FMN1: variants seen among roughly 807,000 people sequenced by gnomAD.
FMN1 encodes formin-1.
A neutral mutation model predicts 132.4 loss-of-function variants in FMN1; 110 were observed. The ratio of observed to expected loss-of-function variants is 0.83; its 90% CI spans 0.71 to 0.97. The LOEUF is 0.97. Among genes scored for constraint, FMN1 ranks in the 50% least tolerant of loss-of-function variants. The pLI, the probability that FMN1 is intolerant of heterozygous loss-of-function variation, is 0.00. For synonymous variants in FMN1, 722 were observed against 651.7 expected (o/e 1.11, Z -1.64); for missense variants, 1,792 against 1,705.3 (o/e 1.05, Z -0.90).
At chr15:32,801,606 AAC>A (rs2057482265) in intron 18 of FMN1, among the ~76,000 whole-genome samples, 5 of 151,342 alleles carry the variant, frequency 3.3e-5, no homozygotes, top group Non-Finnish European at 7.4e-5. Flanking sequence ...CTCTACTAAA[AAC>A]AAAAACAAAA....
At chr15:32,810,907 T>A in intron 17 of FMN1, 1 of 454,042 alleles carries the variant, frequency 2.2e-6, no homozygotes, top group Non-Finnish European at 4.4e-6. Context: ...AAGAAGTTGT[T>A]TTTATTACAG....
At chr15:33,028,615 C>T (rs2035792832) in intron 6 of FMN1, among the ~76,000 whole-genome samples, 1 of 152,134 alleles carries the variant, frequency 6.6e-6, no homozygotes, top group Non-Finnish European at 1.5e-5. Context: ...TCAAGATAAT[C>T]TGTGAGATCA....
intron 2 of FMN1, among the ~76,000 whole-genome samples, chr15:33,188,037 T>G (rs2140356324): frequency 6.6e-6 from 1 of 152,226 alleles, no homozygotes; most frequent in South Asian, 2.1e-4. Context: ...AGCCCTCTTT[T>G]TAAAAAGTCA....
intron 2 of FMN1, among the ~76,000 whole-genome samples, chr15:33,188,778 GAGA>G (rs1566972849): frequency 6.6e-6 from 1 of 152,036 alleles, no homozygotes; most frequent in Non-Finnish European, 1.5e-5. Flanking sequence ...ACTTCCTAAA[GAGA>G]AGTTGAGTGA....
At chr15:33,058,036 C>CGGGCTGGTGGTGGAAAGGTGTGGTG (rs539252192) in intron 6 of FMN1, among the ~76,000 whole-genome samples, 2,917 of 146,698 alleles carry the variant, frequency 0.02, 54 homozygotes, top group Non-Finnish European at 0.03. Context: ...AAAGGCGTGG[C>CGGGCTGGTGGTGGAAAGGTGTGGTG]GGGCTGGTGG....
chr15:32,900,121 A>G lies in FMN1; in HGVS notation c.3512T>C (p.Leu1171Ser). 1.2e-6 allele frequency: 2 copies of G among 1,613,746 alleles called. No individual in the cohort carries two copies. Residue 1171 changes from leucine to serine, a missense_variant, in exon 14 of 21, where the codon TTG (leucine) becomes TCG (serine). Transcript: ENST00000616417. Reference sequence around the variant, plus strand: ...ATCCTTCACGCTCTTCACGTGCAGCAAGTCCTGTGATGGCAAACACCAGTT... The same window carrying G: ...ATCCTTCACGCTCTTCACGTGCAGCGAGTCCTGTGATGGCAAACACCAGTT... Reference protein sequence around the residue: ...VEIITRASKDLLHVKSVKDIL... With the variant: ...VEIITRASKDSLHVKSVKDIL...
intron 6 of FMN1, among the ~76,000 whole-genome samples, chr15:33,057,249 T>C (rs761095768): frequency 1.3e-5 from 2 of 152,150 alleles, no homozygotes; most frequent in Non-Finnish European, 2.9e-5. Flanking sequence ...AAAGGGAAAT[T>C]GTAGCAATTG....
intron 19 of FMN1, among the ~76,000 whole-genome samples, chr15:32,785,951 A>G (rs1224467033): frequency 6.6e-6 from 1 of 152,226 alleles, no homozygotes; most frequent in African/African-American, 2.4e-5. Flanking sequence ...ATCTCTTTAA[A>G]AAAAGATTTT....
At chr15:32,838,293 G>T (rs2058671655) in intron 17 of FMN1, among the ~76,000 whole-genome samples, 1 of 152,144 alleles carries the variant, frequency 6.6e-6, no homozygotes. Flanking sequence ...AAAAAAATCG[G>T]AGAGGTGAGG....
chr15:33,036,728 T>C (rs1251460783), intron 6 of FMN1, among the ~76,000 whole-genome samples: 4 of 152,204 alleles, frequency 2.6e-5, no homozygotes, highest in Non-Finnish European at 4.4e-5. Flanking sequence ...AAAATTTAAT[T>C]ATTTAATCCA....
intron 6 of FMN1, among the ~76,000 whole-genome samples, chr15:33,028,648 C>T (rs2035793725): frequency 1.3e-5 from 2 of 152,148 alleles, no homozygotes. Flanking sequence ...ACCATCTGGG[C>T]AGCATGTGAA....
chr15:32,972,796 A>T, intron 7 of FMN1, among the ~76,000 whole-genome samples: 1 of 152,292 alleles, frequency 6.6e-6, no homozygotes, highest in East Asian at 1.9e-4. Context: ...CATATTTCCA[A>T]GTATCCTCTG....
At chr15:32,968,577 G>T in intron 8 of FMN1, 137 bp downstream of exon 8, 1 of 1,320,394 alleles carries the variant, frequency 7.6e-7, no homozygotes, top group Non-Finnish European at 1.0e-6. Flanking sequence ...TCCCAACATT[G>T]TTTATCCAAG....
intron 9 of FMN1, among the ~76,000 whole-genome samples, chr15:32,937,868 A>G (rs2061314836): frequency 6.6e-6 from 1 of 152,256 alleles, no homozygotes; most frequent in African/African-American, 2.4e-5. Context: ...CTTCCTTAAG[A>G]TATGCAAAAT....
intron 4 of FMN1, among the ~76,000 whole-genome samples, chr15:33,117,371 A>T (rs560321689): frequency 1.3e-5 from 2 of 152,322 alleles, no homozygotes; most frequent in African/African-American, 4.8e-5. Flanking sequence ...TCGAAACCAT[A>T]GCTGCATTTT....
intron 9 of FMN1, among the ~76,000 whole-genome samples, chr15:32,962,000 C>A (rs1444450639): frequency 6.6e-6 from 1 of 152,106 alleles, no homozygotes; most frequent in Admixed American, 6.5e-5. Flanking sequence ...AAATTGCAGA[C>A]CTCACCCCCA....
At chr15:33,079,903 G>A (rs1237821581) in intron 5 of FMN1, among the ~76,000 whole-genome samples, 1 of 151,932 alleles carries the variant, frequency 6.6e-6, no homozygotes, top group Non-Finnish European at 1.5e-5. Flanking sequence ...TTTCCAAATT[G>A]ATCAGTTCAT....
chr15:33,088,667 C>G, intron 5 of FMN1, 132 bp downstream of exon 5: 1 of 786,518 alleles, frequency 1.3e-6, no homozygotes, highest in Non-Finnish European at 1.9e-6. Flanking sequence ...TTCTGCAGCC[C>G]ACTGATTTTT....
chr15:32,777,642 T>TAACACATTTATATATTACGTATAAC lies in FMN1; in HGVS notation c.4131-748_4131-724dup, dbSNP rs1274114685. 1.1e-4 allele frequency among the ~76,000 whole-genome samples: 15 copies of TAACACATTTATATATTACGTATAAC among 142,236 alleles called. 1 individual carries two copies. The South Asian group carries it at 2.2e-3, about 21-fold the overall frequency. The allele number at this position is 142,236 out of a possible 152,430, so 93.3% of individuals were successfully genotyped here. A position where few individuals can be genotyped will look rare whatever the true frequency, so the allele number is the denominator to read the frequency against. On this transcript the variant is annotated intron_variant, in intron 19 of 20. Transcript: ENST00000616417. ...ACACATTTATATATTACGTATAACA[T>TAACACATTTATATATTACGTATAAC]AACACATTTATATATTACGTATAAC...
Sources: allele counts gnomAD v4.1 joint callset (sites outside exome capture counted in the v4.1 genomes callset), GRCh38; gene constraint gnomAD v4.1.1; transcripts MANE v1.5; gene names NCBI Gene and HGNC (gene_info 2026-07-23, HGNC 2026-07-21).